ADGRB3: variants seen among roughly 807,000 people sequenced by gnomAD.
The protein encoded by ADGRB3 is adhesion G protein-coupled receptor B3.
ADGRB3 carries 37 observed loss-of-function variants against 193.4 expected under a neutral mutation model. The ratio of observed to expected loss-of-function variants is 0.19; its 90% CI spans 0.15 to 0.25. ADGRB3 has a LOEUF of 0.25. Among genes scored for constraint, ADGRB3 ranks in the 10% least tolerant of loss-of-function variants. The pLI is 1.00. For synonymous variants in ADGRB3, 690 were observed against 644.2 expected (o/e 1.07, Z -1.08); for missense variants, 1,637 against 1,852.9 (o/e 0.88, Z 2.14).
chr6:69,292,713 C>CA (rs1561978886), intron 20 of ADGRB3, among the ~76,000 whole-genome samples: 1 of 144,914 alleles, frequency 6.9e-6, no homozygotes, highest in Non-Finnish European at 1.5e-5. Flanking sequence ...CAACCTCTTT[C>CA]TTTTTTTTTT....
chr6:68,639,401 T>C lies in ADGRB3; in HGVS notation c.726T>C (p.Leu242=). 6.2e-7 allele frequency: 1 copy of C among 1,611,842 alleles called. No homozygotes were observed. The highest frequency in any genetic ancestry group is 8.5e-7 in the Non-Finnish European group (1 of 1,178,944). Residue 242 remains leucine, a synonymous_variant, in exon 3 of 32, where the codon CTT becomes CTC. Transcript: ENST00000370598. ...QELQTTQVCN[L]TREAKRPPKE... ...TGCAAACCACCCAAGTCTGCAATCTTACCAGGGAGGCCAAGCGACCACCCA... is the reference window on the plus strand; with the variant it reads ...TGCAAACCACCCAAGTCTGCAATCTCACCAGGGAGGCCAAGCGACCACCCA...
intron 3 of ADGRB3, among the ~76,000 whole-genome samples, chr6:68,716,036 G>A (rs571697605): frequency 7.2e-5 from 11 of 151,734 alleles, no homozygotes; most frequent in African/African-American, 2.7e-4. Flanking sequence ...TATCAAGACT[G>A]GCATTATATA....
rs774436786 is a variant in ADGRB3, at chr6:68,638,967, A to G, written c.292A>G (p.Ile98Val). The G allele has an allele frequency of 6.2e-7, 1 of 1,614,062 alleles. No individual in the cohort carries two copies. Among genetic ancestry groups the G allele is most frequent in the South Asian group, 1.1e-5 (1 of 91,072 alleles). ...GTTTGATCATTTTTCCCATGAAAAA[A>G]TAAAGGATCTTTTAAGAAAGAATCA... ...YQFDHFSHEK[I>V]KDLLRKNHSI... The change falls in exon 3 of 32, where the codon ATA becomes GTA. Residue 98 changes from isoleucine to valine, a missense_variant. Physicochemically the swap from Ile to Val is conservative, Grantham distance 29. Transcript: ENST00000370598.
At chr6:69,172,042 A>G (rs1258831727) in intron 17 of ADGRB3, among the ~76,000 whole-genome samples, 1 of 152,158 alleles carries the variant, frequency 6.6e-6, no homozygotes, top group Non-Finnish European at 1.5e-5. Context: ...TTTCTTGACC[A>G]TGGTGCAACT....
At chr6:69,150,897 C>T (rs1332256452) in intron 17 of ADGRB3, among the ~76,000 whole-genome samples, 1 of 152,210 alleles carries the variant, frequency 6.6e-6, no homozygotes, top group Non-Finnish European at 1.5e-5. Context: ...TAGAAATGTC[C>T]TCTGGGAGCT....
intron 8 of ADGRB3, among the ~76,000 whole-genome samples, chr6:68,973,153 A>T (rs184652622): frequency 1.3e-5 from 2 of 152,350 alleles, no homozygotes; most frequent in East Asian, 3.9e-4. Context: ...ATTCAAGGTC[A>T]TGAAGAGTAT....
intron 3 of ADGRB3, among the ~76,000 whole-genome samples, chr6:68,886,231 C>A (rs1047875187): frequency 6.6e-6 from 1 of 152,016 alleles, no homozygotes; most frequent in Non-Finnish European, 1.5e-5. Context: ...TGGTGTTTAC[C>A]TTGCTGGACA....
intron 3 of ADGRB3, among the ~76,000 whole-genome samples, chr6:68,882,445 T>C (rs1765759078): frequency 6.6e-6 from 1 of 152,218 alleles, no homozygotes; most frequent in Admixed American, 6.5e-5. Flanking sequence ...GCTAGAGATT[T>C]CCCTTTTATC....
At chr6:68,738,320 C>T (rs879926834) in intron 3 of ADGRB3, among the ~76,000 whole-genome samples, 5 of 152,110 alleles carry the variant, frequency 3.3e-5, no homozygotes, top group Non-Finnish European at 7.4e-5. Flanking sequence ...AGGACTTTGG[C>T]TGTCTCTCTG....
chr6:69,108,392 T>C (rs1054786976), intron 17 of ADGRB3, among the ~76,000 whole-genome samples: 1 of 144,482 alleles, frequency 6.9e-6, no homozygotes, highest in Non-Finnish European at 1.6e-5. Flanking sequence ...TTCTTGTTTT[T>C]TTTTTTTTTC....
chr6:68,702,807 G>T (rs1037524405), intron 3 of ADGRB3, among the ~76,000 whole-genome samples: 1 of 152,096 alleles, frequency 6.6e-6, no homozygotes, highest in African/African-American at 2.4e-5. Context: ...ACTCACAGTA[G>T]TTTCTGTTTT....
intron 29 of ADGRB3, among the ~76,000 whole-genome samples, chr6:69,371,652 T>C (rs1769710560): frequency 6.6e-6 from 1 of 152,140 alleles, no homozygotes. Context: ...ATTAATTTCA[T>C]TGTAATCCTG....
At chr6:68,891,836 G>A (rs1018435467) in intron 3 of ADGRB3, among the ~76,000 whole-genome samples, 6 of 152,160 alleles carry the variant, frequency 3.9e-5, no homozygotes, top group Admixed American at 3.3e-4. Context: ...AGGAAAGTGA[G>A]GAATGAAGAT....
intron 11 of ADGRB3, among the ~76,000 whole-genome samples, chr6:68,999,799 T>C (rs1336451598): frequency 2.0e-5 from 3 of 152,138 alleles, no homozygotes; most frequent in Non-Finnish European, 4.4e-5. Flanking sequence ...TGAGAGATTA[T>C]TTTGTCCCTA....
intron 3 of ADGRB3, among the ~76,000 whole-genome samples, chr6:68,703,708 C>T (rs1177100636): frequency 2.0e-5 from 3 of 152,202 alleles, no homozygotes; most frequent in East Asian, 3.9e-4. Flanking sequence ...CTGCAACCTC[C>T]GCCTCCCGGA....
At chr6:68,875,017 C>G (rs1765552000) in intron 3 of ADGRB3, among the ~76,000 whole-genome samples, 1 of 151,760 alleles carries the variant, frequency 6.6e-6, no homozygotes, top group African/African-American at 2.4e-5. Flanking sequence ...AAAAATGAAG[C>G]ATTTACTTTC....
Position 68,891,565 on chromosome 6 carries a change from C to T in ADGRB3, c.758-38994C>T, listed in dbSNP as rs183417199. On this transcript the variant is annotated intron_variant, in intron 3 of 31. Transcript: ENST00000370598. The stretch of plus-strand genomic sequence containing the variant: ...TATGATCAAACAACTTAATGAATGT[C>T]TGAGTCAGAAGGAAGGAGTCAGATG... 2.2e-3 allele frequency among the ~76,000 whole-genome samples: 333 copies of T among 152,166 alleles called. 3 individuals are homozygous for T. The highest frequency in any genetic ancestry group is 7.5e-3 in the African/African-American group (312 of 41,508).
intron 15 of ADGRB3, among the ~76,000 whole-genome samples, chr6:69,051,637 A>T (rs1368422786): frequency 6.6e-6 from 1 of 152,190 alleles, no homozygotes; most frequent in African/African-American, 2.4e-5. Context: ...ACCACTAAGT[A>T]CCCTCGAGCT....
chr6:69,313,673 T>G (rs961424575), intron 20 of ADGRB3, among the ~76,000 whole-genome samples: 1 of 151,752 alleles, frequency 6.6e-6, no homozygotes, highest in Admixed American at 6.6e-5. Context: ...GAAAAAGGAT[T>G]TCCTCTACAG....
Sources: allele counts gnomAD v4.1 joint callset (sites outside exome capture counted in the v4.1 genomes callset), GRCh38; gene constraint gnomAD v4.1.1; transcripts MANE v1.5; gene names NCBI Gene and HGNC (gene_info 2026-07-23, HGNC 2026-07-21).